Variants in SPHKAP observed in about 807,000 individuals in gnomAD.
SPHKAP encodes SPHK1 interactor, AKAP domain containing.
Under a neutral mutation model 137.5 loss-of-function variants are expected in SPHKAP, and 67 were observed. The ratio of observed to expected loss-of-function variants is 0.49; its 90% confidence interval spans 0.40 to 0.60. The LOEUF (loss-of-function observed/expected upper bound fraction) is 0.60, where lower values mean the gene tolerates loss of function less well. SPHKAP is among the 20% of genes least tolerant of loss of function. The probability of loss-of-function intolerance (pLI) is 0.00; values close to 1 mark genes in which losing one functional copy is unlikely to be tolerated. For missense variants in SPHKAP, 2,097 were observed against 2,069.3 expected, an observed-to-expected ratio of 1.01 and a Z score of -0.26; for synonymous variants, 813 against 785.3, an observed-to-expected ratio of 1.04 and a Z score of -0.59.
At chr2:228,169,628 T>A (rs185762168) in intron 1 of SPHKAP, 3 of 152,162 alleles carry the variant, frequency 2.0e-5, no homozygotes, top group East Asian at 3.9e-4. Flanking sequence ...TCTGATGAAG[T>A]TGTAGAAGAA....
Position 228,017,054 on chromosome 2 carries a change from C to A in SPHKAP, c.3800G>T (p.Cys1267Phe). 6.2e-7 allele frequency: 1 copy of A among 1,614,060 alleles called. No individual in the cohort carries two copies. Among genetic ancestry groups the A allele is most frequent in the Non-Finnish European group, 8.5e-7 (1 of 1,180,020 alleles). Residue 1267 changes from cysteine (C) to phenylalanine (F), a missense_variant, in exon 7 of 12, where the codon TGC (cysteine) becomes TTC (phenylalanine). By Grantham distance (205) the Cys-to-Phe change is radical. Coordinates refer to ENST00000392056, the MANE Select transcript of SPHKAP (RefSeq NM_001142644.2). Reference sequence around the variant, plus strand: ...CTGCACGCTTAGGAAATCTTGTGGGCAGTTCTGAGCAAAGCCATCTAAAGA... The same window carrying A: ...CTGCACGCTTAGGAAATCTTGTGGGAAGTTCTGAGCAAAGCCATCTAAAGA... ...ANSLDGFAQN[C>F]PQDFLSVQPV...
Position 228,093,859 on chromosome 2 carries a change from C to CAAAAAAAAAAA in SPHKAP, c.246+14962_246+14972dup, listed in dbSNP as rs11336381. On this transcript the variant is annotated intron_variant, in intron 3 of 11. Transcript: ENST00000392056. ...TGGGCGACAGGGCAAGACTCCGTTT[C>CAAAAAAAAAAA]AAAAAAAAAAAAAAAAAAAAAAAAA... Among the ~76,000 whole-genome samples, 51 of 77,132 alleles carry CAAAAAAAAAAA rather than the reference C, an allele frequency of 6.6e-4. 9 individuals are homozygous for CAAAAAAAAAAA. Among genetic ancestry groups the CAAAAAAAAAAA allele is most frequent in the Admixed American group, 7.6e-4 (4 of 5,284 alleles). The allele number at this position is 77,132 out of a possible 152,430, so 50.6% of individuals were successfully genotyped here.
Position 227,981,609 on chromosome 2 carries a change from C to T in SPHKAP, c.*108G>A, listed in dbSNP as rs1164479559. The T allele has an allele frequency of 5.7e-6, 8 of 1,401,734 alleles. No individual in the cohort carries two copies. The highest frequency in any genetic ancestry group is 1.9e-4 in the Middle Eastern group (1 of 5,290). 86.8% of individuals were successfully genotyped at this position (1,401,734 alleles called of 1,614,324 possible). A position where few individuals can be genotyped will look rare whatever the true frequency, so the allele number is the denominator to read the frequency against. ...GAGTAGCAGATTTTTTTTTATAGTTCTGCTAATGTGATGTGATGTTTTGAG... is the reference window on the plus strand; with the variant it reads ...GAGTAGCAGATTTTTTTTTATAGTTTTGCTAATGTGATGTGATGTTTTGAG... On this transcript the variant is annotated 3_prime_UTR_variant, in exon 12 of 12. Transcript: ENST00000392056.
At chr2:228,069,449 C>CTTT (rs11346938) in intron 3 of SPHKAP, among the ~76,000 whole-genome samples, 4 of 128,116 alleles carry the variant, frequency 3.1e-5, no homozygotes, top group South Asian at 2.6e-4. Flanking sequence ...TTCTTTCTTT[C>CTTT]TTTTTTTTTT....
intron 1 of SPHKAP, 107 bp from the exon 2 acceptor site, chr2:228,132,192 A>G: frequency 1.0e-6 from 1 of 967,842 alleles, no homozygotes; most frequent in South Asian, 1.4e-5. Flanking sequence ...CATCTTTTTC[A>G]GATTGCATTA....
chr2:228,089,597 G>A (rs1431227150), intron 3 of SPHKAP, among the ~76,000 whole-genome samples: 1 of 152,334 alleles, frequency 6.6e-6, no homozygotes, highest in South Asian at 2.1e-4. Flanking sequence ...AGCAATTTTA[G>A]AAATCTTTGA....
rs1206823679 is a variant in SPHKAP, at chr2:227,981,236, C to G, written c.*481G>C. ...TTTGTATAAAAGTCTGGGGATTTCT[C>G]ACCCATATCTTAAGTATTTCTCCGG... On this transcript the variant is annotated 3_prime_UTR_variant, in exon 12 of 12. Transcript: ENST00000392056. The G allele has an allele frequency of 6.6e-6, 1 of 152,258 alleles. No individual in the cohort carries two copies. The allele number at this position is 152,258 out of a possible 1,614,324, so 9.4% of individuals were successfully genotyped here.
intron 2 of SPHKAP, among the ~76,000 whole-genome samples, chr2:228,121,971 G>A (rs1048077220): frequency 2.6e-5 from 4 of 152,098 alleles, no homozygotes; most frequent in African/African-American, 7.2e-5. Flanking sequence ...ACTATGCTGG[G>A]AACTTTTCTT....
At chr2:228,056,583 C>CAAA (rs35406042) in intron 3 of SPHKAP, among the ~76,000 whole-genome samples, 4 of 118,142 alleles carry the variant, frequency 3.4e-5, no homozygotes, top group African/African-American at 9.1e-5. Flanking sequence ...AGTAAATGAG[C>CAAA]AAAAAAAAAA....
chr2:228,012,087 G>A (rs767185499), intron 7 of SPHKAP, among the ~76,000 whole-genome samples: 7 of 148,596 alleles, frequency 4.7e-5, no homozygotes, highest in Admixed American at 2.7e-4. Flanking sequence ...AGGATTGCTT[G>A]AGCCCTGGAG....
At chr2:228,086,536 A>G (rs1162844854) in intron 3 of SPHKAP, among the ~76,000 whole-genome samples, 16 of 152,064 alleles carry the variant, frequency 1.1e-4, no homozygotes, top group Admixed American at 1.0e-3. Flanking sequence ...TTTTTTTCAT[A>G]TAGGTCCTAC....
intron 1 of SPHKAP, among the ~76,000 whole-genome samples, chr2:228,171,876 A>C (rs1292105542): frequency 2.0e-5 from 3 of 152,166 alleles, no homozygotes; most frequent in African/African-American, 4.8e-5. Context: ...TTGACATGCT[A>C]CCAAAATCAG....
chr2:228,163,970 G>T (rs1001354439), intron 1 of SPHKAP, among the ~76,000 whole-genome samples: 4 of 152,148 alleles, frequency 2.6e-5, no homozygotes, highest in Non-Finnish European at 4.4e-5. Flanking sequence ...GCCTGTGAGG[G>T]TGTTGCCAGA....
chr2:228,128,008 G>A (rs542899176), intron 2 of SPHKAP, among the ~76,000 whole-genome samples: 2 of 152,290 alleles, frequency 1.3e-5, no homozygotes, highest in South Asian at 2.1e-4. Flanking sequence ...CTGGTGAAAG[G>A]TCTTGTCTCC....
intron 1 of SPHKAP, among the ~76,000 whole-genome samples, chr2:228,149,519 A>G (rs886777780): frequency 4.6e-4 from 70 of 152,294 alleles, no homozygotes; most frequent in African/African-American, 1.6e-3. Flanking sequence ...TCAGAGACAT[A>G]AAGGCAGGAT....
chr2:228,021,817 C>CA lies in SPHKAP; in HGVS notation c.590dup (p.Leu197PhefsTer6). On this transcript the variant is annotated frameshift_variant, in exon 6 of 12. Transcript: ENST00000392056. LOFTEE classifies it high-confidence loss of function. ...AACAGTTCGTGTCATCCTCCAGTTT[C>CA]AAGATGTTTGTTTCCAGGTGGAGCT... 1 of 1,614,126 alleles carries CA rather than the reference C, an allele frequency of 6.2e-7. No homozygotes were observed. Among genetic ancestry groups the CA allele is most frequent in the Non-Finnish European group, 8.5e-7 (1 of 1,180,006 alleles).
chr2:228,085,073 G>A (rs1697495352), intron 3 of SPHKAP, among the ~76,000 whole-genome samples: 1 of 152,182 alleles, frequency 6.6e-6, no homozygotes, highest in Admixed American at 6.5e-5. Flanking sequence ...AGTGTAAAAT[G>A]TATACATAAA....
At chr2:228,107,567 C>A (rs1224722398) in intron 3 of SPHKAP, among the ~76,000 whole-genome samples, 1 of 152,120 alleles carries the variant, frequency 6.6e-6, no homozygotes, top group South Asian at 2.1e-4. Context: ...TTTCACTAGA[C>A]AATTTTTAGT....
Position 228,118,427 on chromosome 2 carries a change from T to A in SPHKAP, c.139-9488A>T, listed in dbSNP as rs78077390. ...ATTACTAAGTCATATGGTAAATTTATAAGAAACTGAAAAAATGTCCTTTAA... is the reference window on the plus strand; with the variant it reads ...ATTACTAAGTCATATGGTAAATTTAAAAGAAACTGAAAAAATGTCCTTTAA... On this transcript the variant is annotated intron_variant, in intron 2 of 11. Coordinates refer to ENST00000392056, the MANE Select transcript of SPHKAP (RefSeq NM_001142644.2). Among the ~76,000 whole-genome samples the A allele has an allele frequency of 2.9e-3, 438 of 152,142 alleles. 3 individuals carry two copies. The highest frequency in any genetic ancestry group is 0.01 in the African/African-American group (422 of 41,524).
Sources: gnomAD v4.1 joint callset for allele counts (sites outside exome capture counted in the v4.1 genomes callset) on GRCh38, gnomAD v4.1.1 for gene constraint, MANE v1.5 for transcripts, NCBI Gene and HGNC (gene_info 2026-07-23, HGNC 2026-07-21) for gene names.